Variants in VTI1A observed in about 807,000 individuals in gnomAD.
VTI1A encodes the protein vesicle transport through interaction with t-SNAREs 1A.
VTI1A carries 22 observed loss-of-function variants against 34.9 expected under a neutral mutation model. That is an observed-to-expected ratio of 0.63 (90% CI 0.45 to 0.90). The LOEUF is 0.90. Ranked by LOEUF, VTI1A falls within the 40% of genes least tolerant of loss-of-function variation. The pLI, the probability that VTI1A is intolerant of heterozygous loss-of-function variation, is 0.00. For missense variants in VTI1A, 268 were observed against 275.6 expected (o/e 0.97, Z 0.20); for synonymous variants, 87 against 97.3 (o/e 0.89, Z 0.62).
At chr10:112,534,324 C>G (rs898151553) in intron 4 of VTI1A, among the ~76,000 whole-genome samples, 1 of 152,058 alleles carries the variant, frequency 6.6e-6, no homozygotes, top group Non-Finnish European at 1.5e-5. Context: ...TGCTTTGGTA[C>G]TCTTTTTTAG....
chr10:112,667,964 G>T (rs1847705088), intron 5 of VTI1A, among the ~76,000 whole-genome samples: 1 of 152,064 alleles, frequency 6.6e-6, no homozygotes, highest in East Asian at 1.9e-4. Context: ...GAGTGGCCTG[G>T]ACAAGACATC....
the VTI1A span, among the ~76,000 whole-genome samples, chr10:112,835,531 C>T: frequency 6.7e-4 from 102 of 152,268 alleles, no homozygotes; most frequent in Non-Finnish European, 8.7e-4. Context: ...TTACTGTAAA[C>T]GGCCTTTTAT....
At chr10:112,489,002 G>T (rs1848735068) in intron 3 of VTI1A, among the ~76,000 whole-genome samples, 1 of 152,160 alleles carries the variant, frequency 6.6e-6, no homozygotes, top group South Asian at 2.1e-4. Context: ...TCTGTACAAT[G>T]AAGTGCTTAG....
In VTI1A at chr10:112,816,099, T is replaced by A. The variant is rs1853514181; in HGVS notation, c.*716T>A. On this transcript the variant is annotated 3_prime_UTR_variant, in exon 8 of 8. Coordinates refer to ENST00000393077, the MANE Select transcript of VTI1A (RefSeq NM_145206.4). Reference sequence around the variant, plus strand: ...TTCTTGCCTTCCCCAAATCCCATACTCCCCAGAATCTGCTGGCAAAGTGAG... The same window carrying A: ...TTCTTGCCTTCCCCAAATCCCATACACCCCAGAATCTGCTGGCAAAGTGAG... 4.6e-6 allele frequency: 1 copy of A among 219,096 alleles called. No homozygotes were observed. The allele number at this position is 219,096 out of a possible 1,614,324, so 13.6% of individuals were successfully genotyped here. A position where few individuals can be genotyped will look rare whatever the true frequency, so the allele number is the denominator to read the frequency against.
intron 5 of VTI1A, among the ~76,000 whole-genome samples, chr10:112,652,973 A>G (rs1324974817): frequency 6.6e-6 from 1 of 152,234 alleles, no homozygotes; most frequent in East Asian, 1.9e-4. Context: ...CAACAAAAGC[A>G]GAGATTTGTT....
intron 3 of VTI1A, among the ~76,000 whole-genome samples, chr10:112,495,376 T>TCTG (rs1490893119): frequency 6.6e-6 from 1 of 152,150 alleles, no homozygotes; most frequent in African/African-American, 2.4e-5. Context: ...AGAGGGATTC[T>TCTG]TTAATTCAAT....
intron 7 of VTI1A, among the ~76,000 whole-genome samples, chr10:112,803,098 C>G (rs1458324196): frequency 6.6e-6 from 1 of 152,080 alleles, no homozygotes; most frequent in Non-Finnish European, 1.5e-5. Flanking sequence ...GACGAAGTTT[C>G]GCTCTTGTTG....
At chr10:112,807,689 A>G (rs894167147) in intron 7 of VTI1A, among the ~76,000 whole-genome samples, 1 of 151,950 alleles carries the variant, frequency 6.6e-6, no homozygotes, top group Admixed American at 6.6e-5. Context: ...CCCCATCTCT[A>G]CTAAAAACAC....
Position 112,496,193 on chromosome 10 carries a change from C to G in VTI1A, c.265-30894C>G, listed in dbSNP as rs941010501. On this transcript the variant is annotated intron_variant, in intron 3 of 7. Coordinates refer to ENST00000393077, the MANE Select transcript of VTI1A (RefSeq NM_145206.4). ...CATAGGCAAATGGGGAGACCCCCCC[C>G]CCCCCCCCGCCGTCTCTAAACAAAA... 1.5e-4 allele frequency among the ~76,000 whole-genome samples: 18 copies of G among 116,758 alleles called. 4 individuals carry two copies. Among genetic ancestry groups the G allele is most frequent in the Middle Eastern group, 4.4e-3 (1 of 228 alleles). The allele number at this position is 116,758 out of a possible 152,430, so 76.6% of individuals were successfully genotyped here. A position where few individuals can be genotyped will look rare whatever the true frequency, so the allele number is the denominator to read the frequency against.
intron 7 of VTI1A, among the ~76,000 whole-genome samples, chr10:112,768,600 C>T (rs1483144079): frequency 6.6e-6 from 1 of 152,086 alleles, no homozygotes; most frequent in African/African-American, 2.4e-5. Context: ...CTTCAGAAAC[C>T]AGTTAGGATT....
intron 7 of VTI1A, among the ~76,000 whole-genome samples, chr10:112,710,908 A>G (rs934141763): frequency 4.6e-5 from 7 of 152,110 alleles, no homozygotes; most frequent in Non-Finnish European, 7.3e-5. Flanking sequence ...TTCTTCCACA[A>G]TTTTCTGCAT....
chr10:112,592,432 C>G (rs1844430053), intron 5 of VTI1A, among the ~76,000 whole-genome samples: 1 of 152,174 alleles, frequency 6.6e-6, no homozygotes, highest in African/African-American at 2.4e-5. Flanking sequence ...CTCAAAGGAC[C>G]TCTCCTCCAT....
In VTI1A at chr10:112,622,326, G is replaced by A. The variant is rs561473540; in HGVS notation, c.428-45892G>A. Among the ~76,000 whole-genome samples, 161 of 152,174 alleles carry A rather than the reference G, an allele frequency of 1.1e-3. 1 individual carries two copies. Among genetic ancestry groups the A allele is most frequent in the African/African-American group, 3.3e-3 (136 of 41,514 alleles). The stretch of plus-strand genomic sequence containing the variant: ...ACACCCAGCTGAAGCAAGGTCTGTC[G>A]CTGGTTTTGAGCTTCCTCTGCCTTT... On this transcript the variant is annotated intron_variant, in intron 5 of 7. Transcript: ENST00000393077.
intron 5 of VTI1A, among the ~76,000 whole-genome samples, chr10:112,649,802 C>T (rs35096135): frequency 0.13 from 20,308 of 152,068 alleles, 1,447 homozygotes; most frequent in Admixed American, 0.18. Flanking sequence ...GTACTGAATA[C>T]TATAGGCAAT....
At chr10:112,534,102 G>A (rs1364321508) in intron 4 of VTI1A, among the ~76,000 whole-genome samples, 3 of 151,994 alleles carry the variant, frequency 2.0e-5, no homozygotes, top group Admixed American at 6.6e-5. Context: ...CAAAGCTTTC[G>A]TCATTGTTAA....
At chr10:112,785,869 C>G (rs1009574485) in intron 7 of VTI1A, among the ~76,000 whole-genome samples, 3 of 152,168 alleles carry the variant, frequency 2.0e-5, no homozygotes, top group Non-Finnish European at 4.4e-5. Flanking sequence ...ATTACAGTAG[C>G]TTCATAGTAA....
chr10:112,627,885 G>T (rs1287398458), intron 5 of VTI1A, among the ~76,000 whole-genome samples: 1 of 152,052 alleles, frequency 6.6e-6, no homozygotes, highest in East Asian at 1.9e-4. Flanking sequence ...TAGGATAAAA[G>T]GATAGATAAT....
At chr10:112,619,018 A>G (rs922571594) in intron 5 of VTI1A, among the ~76,000 whole-genome samples, 1 of 152,158 alleles carries the variant, frequency 6.6e-6, no homozygotes, top group African/African-American at 2.4e-5. Context: ...CCAACAAAAA[A>G]TAAATACATC....
chr10:112,698,514 A>G (rs897114440), intron 7 of VTI1A, among the ~76,000 whole-genome samples: 3 of 152,200 alleles, frequency 2.0e-5, no homozygotes, highest in African/African-American at 7.2e-5. Flanking sequence ...TTAATAATTT[A>G]TTGTGTTAAG....
Sources: allele counts gnomAD v4.1 joint callset (sites outside exome capture counted in the v4.1 genomes callset), GRCh38; gene constraint gnomAD v4.1.1; transcripts MANE v1.5; gene names NCBI Gene and HGNC (gene_info 2026-07-23, HGNC 2026-07-21).